CDKAL1: variants seen among roughly 807,000 people sequenced by gnomAD.
CDKAL1 encodes the protein threonylcarbamoyladenosine tRNA methylthiotransferase.
In CDKAL1, 32 loss-of-function variants were observed where a neutral mutation model predicts 68.2. The ratio of observed to expected loss-of-function variants is 0.47; its 90% CI spans 0.35 to 0.63. The LOEUF is 0.63. Ranked by LOEUF, CDKAL1 falls within the 30% of genes least tolerant of loss-of-function variation. The pLI, the probability that CDKAL1 is intolerant of heterozygous loss-of-function variation, is 0.00. For synonymous variants in CDKAL1, 234 were observed against 244.3 expected, an observed-to-expected ratio of 0.96 and a Z score of 0.39; for missense variants, 606 against 696.7, an observed-to-expected ratio of 0.87 and a Z score of 1.47.
At chr6:20,734,739 T>C (rs1403736568) in intron 5 of CDKAL1, among the ~76,000 whole-genome samples, 2 of 152,122 alleles carry the variant, frequency 1.3e-5, no homozygotes, top group Admixed American at 6.5e-5. Flanking sequence ...AATAATTTTT[T>C]CCCCAAAGCC....
chr6:20,797,491 G>A (rs9465892), intron 8 of CDKAL1, among the ~76,000 whole-genome samples: 10,065 of 152,198 alleles, frequency 0.066, 378 homozygotes, highest in Middle Eastern at 0.082. Context: ...CCTACTTTTA[G>A]GTATGAGAAA....
chr6:21,195,138 CCT>C (rs905343879), intron 13 of CDKAL1, among the ~76,000 whole-genome samples: 2 of 152,000 alleles, frequency 1.3e-5, no homozygotes, highest in African/African-American at 4.8e-5. Context: ...CCCTAGCCTT[CCT>C]AGGCTCAGTT....
At chr6:21,146,211 C>T (rs1329612311) in intron 13 of CDKAL1, among the ~76,000 whole-genome samples, 3 of 152,076 alleles carry the variant, frequency 2.0e-5, no homozygotes, top group African/African-American at 7.2e-5. Context: ...AGCTCCAACA[C>T]GTGCTTTCTG....
In CDKAL1 at chr6:21,000,298, C is replaced by T; in HGVS notation, c.981C>T (p.Asp327=). Reference sequence around the variant, plus strand: ...ACATACCAGTCCAGTCTGCCTCCGACAGCGTACTCATGGAAATGAAAAGAG... The same window carrying T: ...ACATACCAGTCCAGTCTGCCTCCGATAGCGTACTCATGGAAATGAAAAGAG... ...FLHIPVQSAS[D]SVLMEMKREY... The change falls in exon 11 of 16, where the codon GAC becomes GAT. Residue 327 remains aspartate, a synonymous_variant. Coordinates refer to ENST00000274695, the MANE Select transcript of CDKAL1 (RefSeq NM_017774.3). 6.2e-7 allele frequency: 1 copy of T among 1,613,714 alleles called. No individual in the cohort carries two copies. The highest frequency in any genetic ancestry group is 8.5e-7 in the Non-Finnish European group (1 of 1,179,636).
At chr6:21,230,781 A>G in intron 15 of CDKAL1, 67 bp from the exon 16 acceptor site, 2 of 1,263,730 alleles carry the variant, frequency 1.6e-6, no homozygotes, top group Non-Finnish European at 2.1e-6. Flanking sequence ...CCATTGCTTG[A>G]TTGATATCAC....
At chr6:20,837,744 T>TATTATAATAATA (rs371080778) in intron 8 of CDKAL1, among the ~76,000 whole-genome samples, 2,419 of 148,032 alleles carry the variant, frequency 0.016, 71 homozygotes, top group African/African-American at 0.054. Context: ...CACTTCAGCA[T>TATTATAATAATA]ATAATAATAA....
At chr6:20,977,782 G>A (rs1291902043) in intron 10 of CDKAL1, among the ~76,000 whole-genome samples, 2 of 152,126 alleles carry the variant, frequency 1.3e-5, no homozygotes, top group African/African-American at 4.8e-5. Flanking sequence ...GAAGACTGAG[G>A]CAGGAAGATC....
At position 20,539,521 on chromosome 6, in the gene CDKAL1, T is replaced by A. The variant is rs1306437646; in HGVS notation, c.-6+4127T>A. Reference sequence around the variant, plus strand: ...GGTGGGGGTGTTGGTTGGAAAGTCCTCTCTTGTTACACTTGAGCAAAGTCC... The same window carrying A: ...GGTGGGGGTGTTGGTTGGAAAGTCCACTCTTGTTACACTTGAGCAAAGTCC... On this transcript the variant is annotated intron_variant, in intron 2 of 15. Coordinates refer to ENST00000274695, the MANE Select transcript of CDKAL1 (RefSeq NM_017774.3). This position sits in a 1 kb window ranked among gnomAD's most constrained non-coding sequence, Gnocchi z 4.3. Among the ~76,000 whole-genome samples, 1 of 152,180 alleles carries A rather than the reference T, an allele frequency of 6.6e-6. No individual in the cohort carries two copies.
chr6:21,051,056 T>A (rs1770511992), intron 11 of CDKAL1, among the ~76,000 whole-genome samples: 1 of 152,166 alleles, frequency 6.6e-6, no homozygotes, highest in African/African-American at 2.4e-5. Context: ...AATTTCTAGT[T>A]TATTGCTTTA....
chr6:20,848,392 A>T (rs150294465), intron 9 of CDKAL1, among the ~76,000 whole-genome samples: 2 of 151,498 alleles, frequency 1.3e-5, no homozygotes, highest in Non-Finnish European at 2.9e-5. Flanking sequence ...TAAAGTGATT[A>T]TGACTTTTTC....
intron 5 of CDKAL1, among the ~76,000 whole-genome samples, chr6:20,737,949 A>AT (rs374642457): frequency 2.8e-4 from 42 of 152,322 alleles, no homozygotes; most frequent in Admixed American, 6.5e-4. Context: ...AAAGAGCCCA[A>AT]TTTTTTGTTG....
At chr6:20,994,667 G>A (rs780768524) in intron 10 of CDKAL1, among the ~76,000 whole-genome samples, 16 of 152,086 alleles carry the variant, frequency 1.1e-4, no homozygotes, top group African/African-American at 1.9e-4. Flanking sequence ...AGCAAGTTAC[G>A]TGAATTTTTT....
chr6:20,607,631 G>A (rs1032983633), intron 4 of CDKAL1, among the ~76,000 whole-genome samples: 3 of 151,500 alleles, frequency 2.0e-5, no homozygotes, highest in Non-Finnish European at 4.4e-5. Flanking sequence ...ATTTTTGTTT[G>A]TTTGTTTAAA....
intron 4 of CDKAL1, among the ~76,000 whole-genome samples, chr6:20,624,815 TTTTG>T (rs1259360757): frequency 6.6e-6 from 1 of 152,056 alleles, no homozygotes; most frequent in Admixed American, 6.6e-5. Context: ...GAGGCCAAAT[TTTTG>T]TTTGTTTGAG....
intron 6 of CDKAL1, among the ~76,000 whole-genome samples, chr6:20,754,222 A>G (rs75037585): frequency 0.014 from 2,129 of 152,220 alleles, 19 homozygotes; most frequent in South Asian, 0.045. Context: ...CCTTAAAGTG[A>G]TCTTCCCATA....
At chr6:20,938,534 C>G (rs949024894) in intron 9 of CDKAL1, among the ~76,000 whole-genome samples, 2 of 152,066 alleles carry the variant, frequency 1.3e-5, no homozygotes, top group African/African-American at 4.8e-5. Context: ...AAATGATTCT[C>G]TAGTAAAATT....
At position 21,165,760 on chromosome 6, in the gene CDKAL1, GTC is replaced by G. The variant is rs1368641191; in HGVS notation, c.1300-32259_1300-32258del. Among the ~76,000 whole-genome samples the G allele has an allele frequency of 1.2e-4, 18 of 152,336 alleles. No individual in the cohort carries two copies. In the East Asian group the frequency reaches 3.3e-3, roughly 28 times the overall value. On this transcript the variant is annotated intron_variant, in intron 13 of 15. Transcript: ENST00000274695. Reference sequence around the variant, plus strand: ...CTGAGTCAAGGAGGCTACTAGGAGAGTCTGTACTCTGCGATGACAGCACAGTG... The same window carrying G: ...CTGAGTCAAGGAGGCTACTAGGAGAGTGTACTCTGCGATGACAGCACAGTG...
intron 4 of CDKAL1, among the ~76,000 whole-genome samples, chr6:20,594,906 A>G (rs551652301): frequency 1.1e-3 from 169 of 152,184 alleles, no homozygotes; most frequent in Non-Finnish European, 1.9e-3. Context: ...TTTGTAAAGG[A>G]TTTTATTTCT....
chr6:21,063,739 T>C (rs1057145465), intron 11 of CDKAL1, among the ~76,000 whole-genome samples: 2 of 152,058 alleles, frequency 1.3e-5, no homozygotes, highest in African/African-American at 4.8e-5. Context: ...TGCAATAAAA[T>C]AGTTGGAAGG....
Sources: gnomAD v4.1 joint callset for allele counts (sites outside exome capture counted in the v4.1 genomes callset) on GRCh38, gnomAD v4.1.1 for gene constraint, Gnocchi (gnomAD v3.1) non-coding constraint, MANE v1.5 for transcripts, NCBI Gene and HGNC (gene_info 2026-07-23, HGNC 2026-07-21) for gene names.